The following VRK2 variants were observed in gnomAD, a reference collection of about 807,000 sequenced individuals.
VRK2 encodes the protein VRK serine/threonine kinase 2, also known as serine/threonine-protein kinase VRK2.
VRK2 carries 60 observed loss-of-function variants against 57.6 expected under a neutral mutation model. The ratio of observed to expected loss-of-function variants is 1.04; its 90% CI spans 0.85 to 1.29. VRK2 has a LOEUF of 1.29. Ranked by LOEUF, VRK2 falls within the 50% of genes most tolerant of loss-of-function variation. The pLI is 0.00. For synonymous variants in VRK2, 231 were observed against 199.2 expected (o/e 1.16, Z -1.35); for missense variants, 705 against 588.1 (o/e 1.20, Z -2.06).
intron 7 of VRK2, among the ~76,000 whole-genome samples, chr2:58,110,783 G>C (rs1387269968): frequency 6.6e-6 from 1 of 152,200 alleles, no homozygotes; most frequent in East Asian, 1.9e-4. Context: ...CAGAATTGAG[G>C]AGGGAGAGCT....
At chr2:58,045,543 C>T (rs1674676392), upstream of VRK2, among the ~76,000 whole-genome samples, 1 of 152,172 alleles carries the variant, frequency 6.6e-6, no homozygotes, top group Admixed American at 6.5e-5. Flanking sequence ...TAAGAAAGGA[C>T]ACTGTTGGAC....
chr2:57,948,519 GC>G (rs1265488104), intron 1 of VRK2, among the ~76,000 whole-genome samples: 2 of 152,080 alleles, frequency 1.3e-5, no homozygotes, highest in African/African-American at 4.8e-5. Flanking sequence ...ATGCAAAGAA[GC>G]TTTTCTTGTT....
rs143572452 is a variant in VRK2, at chr2:57,978,979, A to G, written c.-438-46686A>G. Among the ~76,000 whole-genome samples the G allele has an allele frequency of 4.9e-3, 740 of 150,966 alleles. 58 individuals carry two copies. Among genetic ancestry groups the G allele is most frequent in the African/African-American group, 0.017 (670 of 40,408 alleles). ...CATCTATGTCCCTGCAAAGGATATG[A>G]TCTATTGTTTCCTGACTTTTTCTTT... On this transcript the variant is annotated intron_variant, in intron 1 of 15. Coordinates refer to the VRK2 transcript ENST00000417641.
chr2:57,953,051 A>G (rs1671476537), intron 1 of VRK2, among the ~76,000 whole-genome samples: 1 of 152,238 alleles, frequency 6.6e-6, no homozygotes, highest in Non-Finnish European at 1.5e-5. Context: ...ATTATAGCCA[A>G]GCAGCTCAGA....
chr2:57,938,371 C>T (rs1193340264), intron 1 of VRK2, among the ~76,000 whole-genome samples: 2 of 152,110 alleles, frequency 1.3e-5, no homozygotes, highest in South Asian at 2.1e-4. Context: ...TGGAAATCTT[C>T]AAGGAACTTA....
chr2:58,137,082 A>G (rs1680307831), intron 10 of VRK2, among the ~76,000 whole-genome samples: 1 of 66,452 alleles, frequency 1.5e-5, no homozygotes, highest in Admixed American at 1.5e-4. Flanking sequence ...TATATAACAT[A>G]TATATGTGTA....
At chr2:57,953,028 T>A (rs886567168) in intron 1 of VRK2, among the ~76,000 whole-genome samples, 1 of 152,210 alleles carries the variant, frequency 6.6e-6, no homozygotes, top group Admixed American at 6.5e-5. Context: ...GTGGCCATGA[T>A]AACTTTATGC....
At chr2:58,091,653 AATAG>A (rs957002482) in intron 7 of VRK2, among the ~76,000 whole-genome samples, 53 of 152,152 alleles carry the variant, frequency 3.5e-4, no homozygotes, top group South Asian at 1.2e-3. Context: ...GAAACTGGGA[AATAG>A]ATAGATAACA....
intron 7 of VRK2, among the ~76,000 whole-genome samples, chr2:58,097,469 A>G (rs1182121717): frequency 2.0e-5 from 3 of 152,138 alleles, no homozygotes; most frequent in Admixed American, 1.3e-4. Context: ...TACTTGCTAC[A>G]ACAACAGTAG....
intron 10 of VRK2, among the ~76,000 whole-genome samples, chr2:58,136,916 A>ATATATATGTGTATATATATCATATATAT: frequency 9.6e-6 from 1 of 103,762 alleles, no homozygotes; most frequent in Non-Finnish European, 1.6e-5. Flanking sequence ...TATATATATC[A>ATATATATGTGTATATATATCATATATAT]TATATGTGTA....
At chr2:58,038,097 G>A (rs938710286) in intron 3 of VRK2, among the ~76,000 whole-genome samples, 6 of 152,168 alleles carry the variant, frequency 3.9e-5, no homozygotes, top group East Asian at 3.9e-4. Flanking sequence ...ACATTGATAT[G>A]GTTTGGCTCT....
At chr2:58,137,936 T>TCTTCACAGGACCATAAAACA (rs1680784172) in intron 10 of VRK2, among the ~76,000 whole-genome samples, 1 of 152,184 alleles carries the variant, frequency 6.6e-6, no homozygotes, top group South Asian at 2.1e-4. Flanking sequence ...TTTGTAATAA[T>TCTTCACAGGACCATAAAACA]AAATTTATAA....
chr2:57,981,078 T>C (rs575173859), intron 1 of VRK2, among the ~76,000 whole-genome samples: 2 of 152,188 alleles, frequency 1.3e-5, no homozygotes, highest in South Asian at 4.1e-4. Flanking sequence ...ATTGTGTTCT[T>C]ATTAATAGCT....
chr2:57,948,994 T>A (rs373558990), intron 1 of VRK2, among the ~76,000 whole-genome samples: 1 of 148,174 alleles, frequency 6.7e-6, no homozygotes, highest in Non-Finnish European at 1.5e-5. Flanking sequence ...AATTCATTGA[T>A]GACCCTATTG....
At chr2:58,067,428 T>C (rs896383299) in intron 2 of VRK2, among the ~76,000 whole-genome samples, 6 of 152,186 alleles carry the variant, frequency 3.9e-5, no homozygotes, top group Admixed American at 1.3e-4. Context: ...TTTATGGGTA[T>C]AGAATTGTTA....
chr2:57,914,614 G>A (rs970547584), intron 1 of VRK2, among the ~76,000 whole-genome samples: 4 of 152,066 alleles, frequency 2.6e-5, no homozygotes, highest in Non-Finnish European at 5.9e-5. Flanking sequence ...CCGAAAAGGT[G>A]TTAAACAACT....
intron 1 of VRK2, among the ~76,000 whole-genome samples, chr2:57,965,349 G>A (rs899374452): frequency 1.3e-5 from 2 of 152,200 alleles, no homozygotes; most frequent in Non-Finnish European, 2.9e-5. Flanking sequence ...GAAAAACAAT[G>A]TATCAGGTAA....
intron 2 of VRK2, among the ~76,000 whole-genome samples, chr2:58,030,477 C>T (rs746356027): frequency 4.6e-5 from 7 of 151,996 alleles, no homozygotes; most frequent in Non-Finnish European, 8.8e-5. Flanking sequence ...TGCACTCTAC[C>T]TCGTTTCCTC....
chr2:57,960,074 T>C (rs1572907213), intron 1 of VRK2, among the ~76,000 whole-genome samples: 1 of 69,896 alleles, frequency 1.4e-5, no homozygotes, highest in African/African-American at 5.8e-5. Context: ...GGGAGGTGTG[T>C]GACGGGGGCT....
Sources: gnomAD v4.1 joint callset for allele counts (sites outside exome capture counted in the v4.1 genomes callset) on GRCh38, gnomAD v4.1.1 for gene constraint, MANE v1.5 for transcripts, NCBI Gene and HGNC (gene_info 2026-07-23, HGNC 2026-07-21) for gene names.